SEMA5A: variants seen among roughly 807,000 people sequenced by gnomAD.
SEMA5A encodes semaphorin 5A.
Under a neutral mutation model 135.5 loss-of-function variants are expected in SEMA5A, and 55 were observed. The observed-to-expected ratio is 0.41, with a 90% CI of 0.33 to 0.51. The LOEUF (loss-of-function observed/expected upper bound fraction) is 0.51, where lower values mean the gene tolerates loss of function less well. Among genes scored for constraint, SEMA5A ranks in the 20% least tolerant of loss-of-function variants. The probability of loss-of-function intolerance (pLI) is 0.37; values close to 1 mark genes in which losing one functional copy is unlikely to be tolerated. For synonymous variants in SEMA5A, 580 were observed against 546.5 expected, an observed-to-expected ratio of 1.06 and a Z score of -0.85; for missense variants, 1,290 against 1,419.9, an observed-to-expected ratio of 0.91 and a Z score of 1.47.
At chr5:9,343,306 G>A (rs1753731037) in intron 3 of SEMA5A, among the ~76,000 whole-genome samples, 1 of 152,114 alleles carries the variant, frequency 6.6e-6, no homozygotes, top group African/African-American at 2.4e-5. Flanking sequence ...TCAGAACGTA[G>A]GAATGATACA....
rs35803675 is a variant in SEMA5A at position 9,078,525 on chromosome 5, CA to C, written c.2074-11880del. On this transcript the variant is annotated intron_variant, in intron 16 of 22. Coordinates refer to ENST00000382496, the MANE Select transcript of SEMA5A (RefSeq NM_003966.3). ...CATTTACCCCAGATTCTTTGAAGGA[CA>C]AAAAAAAAAAGTGGCAAATATTGGT... Among the ~76,000 whole-genome samples the C allele has an allele frequency of 3.5e-3, 461 of 130,844 alleles. 4 individuals are homozygous for C. The highest frequency in any genetic ancestry group is 8.0e-3 in the Middle Eastern group (2 of 250). 85.8% of individuals were successfully genotyped at this position (130,844 alleles called of 152,430 possible). A position where few individuals can be genotyped will look rare whatever the true frequency, so the allele number is the denominator to read the frequency against.
At chr5:9,536,644 G>A (rs554301633) in intron 1 of SEMA5A, among the ~76,000 whole-genome samples, 1 of 151,136 alleles carries the variant, frequency 6.6e-6, no homozygotes, top group South Asian at 2.1e-4. Flanking sequence ...ACAGGAAACT[G>A]CAGTCTAGGA....
At chr5:9,446,097 T>C (rs1188546217) in intron 1 of SEMA5A, among the ~76,000 whole-genome samples, 4 of 152,218 alleles carry the variant, frequency 2.6e-5, no homozygotes, top group African/African-American at 9.6e-5. Flanking sequence ...TCTCAAAGCA[T>C]TGACTAATCC....
intron 1 of SEMA5A, among the ~76,000 whole-genome samples, chr5:9,468,745 G>A (rs1431191146): frequency 6.6e-6 from 1 of 152,172 alleles, no homozygotes; most frequent in African/African-American, 2.4e-5. Flanking sequence ...ATGATAGTTT[G>A]GGGTTTCGAA....
chr5:9,444,374 T>C (rs889566148), intron 1 of SEMA5A, among the ~76,000 whole-genome samples: 2 of 152,140 alleles, frequency 1.3e-5, no homozygotes, highest in Admixed American at 6.5e-5. Context: ...CCAAAGGCCA[T>C]TGTGTAATTC....
Position 9,204,079 on chromosome 5 carries a change from T to A in SEMA5A, c.647-1839A>T, listed in dbSNP as rs1229625201. Among the ~76,000 whole-genome samples the A allele has an allele frequency of 6.6e-6, 1 of 152,010 alleles. No individual in the cohort carries two copies. Among genetic ancestry groups the A allele is most frequent in the South Asian group, 2.1e-4 (1 of 4,818 alleles). ...AAGATACGGAACAATTTCAAAACCA[T>A]GTGTAAAGAAAATAATACTGGCATG... On this transcript the variant is annotated intron_variant, in intron 8 of 22. Transcript: ENST00000382496. This position sits in a 1 kb window ranked among gnomAD's most constrained non-coding sequence, Gnocchi z 6.4.
intron 5 of SEMA5A, among the ~76,000 whole-genome samples, chr5:9,282,051 T>A (rs556370787): frequency 6.6e-6 from 1 of 152,018 alleles, no homozygotes; most frequent in Admixed American, 6.6e-5. Flanking sequence ...GACCTCGTGA[T>A]CCACCCATCA....
intron 15 of SEMA5A, among the ~76,000 whole-genome samples, chr5:9,109,103 T>C (rs253655): frequency 0.42 from 57,192 of 136,412 alleles, 12,559 homozygotes; most frequent in African/African-American, 0.55. Flanking sequence ...TGCAGTGGCG[T>C]GATCTCGGCT....
At position 9,237,829 on chromosome 5, in the gene SEMA5A, T is replaced by C; in HGVS notation, c.332A>G (p.Lys111Arg). ...KKACYSKGKS[K>R]EECQNYIRVL... Reference sequence around the variant, plus strand: ...TGCTCATAATTGCATTCTTCTTACCTTTGATTTGCCTTTGCTGTAACAGGC... The same window carrying C: ...TGCTCATAATTGCATTCTTCTTACCCTTGATTTGCCTTTGCTGTAACAGGC... Residue 111 changes from lysine (K) to arginine (R), a missense_variant and splice_region_variant, in exon 6 of 23, where the codon AAG (lysine) becomes AGG (arginine). Coordinates refer to ENST00000382496, the MANE Select transcript of SEMA5A (RefSeq NM_003966.3). The C allele has an allele frequency of 6.2e-7, 1 of 1,613,552 alleles. No individual in the cohort carries two copies. The highest frequency in any genetic ancestry group is 8.5e-7 in the Non-Finnish European group (1 of 1,179,564).
At chr5:9,227,002 T>C (rs1403326655) in intron 6 of SEMA5A, 35 bp from the exon 7 acceptor site, 1 of 1,039,644 alleles carries the variant, frequency 9.6e-7, no homozygotes, top group East Asian at 3.5e-5. Context: ...TAAAAATATA[T>C]ATATATATGT....
At chr5:9,100,285 G>T (rs1739555031) in intron 16 of SEMA5A, among the ~76,000 whole-genome samples, 1 of 152,022 alleles carries the variant, frequency 6.6e-6, no homozygotes, top group South Asian at 2.1e-4. Context: ...GTGCTTTTGG[G>T]GCCGCACAGC....
chr5:9,158,780 C>G (rs898280649), intron 11 of SEMA5A, among the ~76,000 whole-genome samples: 2 of 152,178 alleles, frequency 1.3e-5, no homozygotes, highest in Admixed American at 1.3e-4. Flanking sequence ...TACTTCAAGA[C>G]TTTAAATATC....
intron 1 of SEMA5A, among the ~76,000 whole-genome samples, chr5:9,539,511 T>G (rs1221450608): frequency 6.6e-6 from 1 of 152,194 alleles, no homozygotes; most frequent in Non-Finnish European, 1.5e-5. Flanking sequence ...AGACACAATA[T>G]GTTCCCTGGA....
chr5:9,528,889 A>G (rs1737284879), intron 1 of SEMA5A, among the ~76,000 whole-genome samples: 1 of 152,258 alleles, frequency 6.6e-6, no homozygotes, highest in African/African-American at 2.4e-5. Context: ...ATTCCCAGGT[A>G]GAACAGTTTC....
At chr5:9,162,761 A>G (rs887612667) in intron 11 of SEMA5A, among the ~76,000 whole-genome samples, 1 of 151,720 alleles carries the variant, frequency 6.6e-6, no homozygotes, top group Non-Finnish European at 1.5e-5. Context: ...TCAAACAGTC[A>G]AAGATATGAT....
chr5:9,422,744 T>C (rs1226276049), intron 2 of SEMA5A, among the ~76,000 whole-genome samples: 3 of 152,212 alleles, frequency 2.0e-5, no homozygotes, highest in African/African-American at 7.2e-5. Context: ...TCAGTGTTGT[T>C]TTTGTTGCTG....
chr5:9,342,252 T>G (rs564060970), intron 3 of SEMA5A, among the ~76,000 whole-genome samples: 4 of 152,298 alleles, frequency 2.6e-5, no homozygotes, highest in Admixed American at 2.6e-4. Flanking sequence ...GGGCAGCTCT[T>G]GTGGAAGACA....
intron 1 of SEMA5A, among the ~76,000 whole-genome samples, chr5:9,499,512 C>G (rs1735472884): frequency 6.6e-6 from 1 of 152,128 alleles, no homozygotes; most frequent in Admixed American, 6.6e-5. Context: ...CTTCTTCCTC[C>G]ATTAAACTGC....
rs1004596982 is a variant in SEMA5A at position 9,289,349 on chromosome 5, C to A, written c.270+29023G>T. ...GAATTAAAATTCTGTTTTCTACATT[C>A]AATTTATATTAATTTTTAGTTTAAA... On this transcript the variant is annotated intron_variant, in intron 5 of 22. Transcript: ENST00000382496. Among the ~76,000 whole-genome samples the A allele has an allele frequency of 2.9e-4, 44 of 152,242 alleles. 1 individual carries two copies. Among genetic ancestry groups the A allele is most frequent in the South Asian group, 4.1e-4 (2 of 4,822 alleles).
Sources: allele counts gnomAD v4.1 joint callset (sites outside exome capture counted in the v4.1 genomes callset), GRCh38; gene constraint gnomAD v4.1.1; non-coding constraint Gnocchi (gnomAD v3.1); transcripts MANE v1.5; gene names NCBI Gene and HGNC (gene_info 2026-07-23, HGNC 2026-07-21).